PIP4P2: variants seen among roughly 807,000 people sequenced by gnomAD.
PIP4P2 encodes type 2 phosphatidylinositol 4,5-bisphosphate 4-phosphatase.
In PIP4P2, 19 loss-of-function variants were observed where a neutral mutation model predicts 33.3. The ratio of observed to expected loss-of-function variants is 0.57; its 90% CI spans 0.40 to 0.84. The LOEUF is 0.84. PIP4P2 is among the 40% of genes least tolerant of loss of function. PIP4P2 has a pLI of 0.00. For missense variants in PIP4P2, 270 were observed against 324.7 expected (o/e 0.83, Z 1.29); for synonymous variants, 110 against 111.9 (o/e 0.98, Z 0.11).
At chr8:91,022,577 A>C (rs1342731243) in intron 1 of PIP4P2, among the ~76,000 whole-genome samples, 1 of 152,154 alleles carries the variant, frequency 6.6e-6, no homozygotes, top group East Asian at 1.9e-4. Flanking sequence ...TGGTATCTCA[A>C]GAGGCTTCTG....
chr8:91,000,437 T>C (rs1465443668), intron 5 of PIP4P2, among the ~76,000 whole-genome samples: 1 of 151,632 alleles, frequency 6.6e-6, no homozygotes, highest in East Asian at 1.9e-4. Context: ...GGATGGTAGA[T>C]ACCCTGGGTT....
intron 5 of PIP4P2, among the ~76,000 whole-genome samples, chr8:91,006,830 G>A (rs750724410): frequency 3.9e-5 from 6 of 152,136 alleles, no homozygotes; most frequent in Non-Finnish European, 7.4e-5. Flanking sequence ...TTAGCCAGGC[G>A]TGGTGGCGTG....
At chr8:91,032,645 G>T (rs1812181499) in intron 1 of PIP4P2, among the ~76,000 whole-genome samples, 1 of 151,952 alleles carries the variant, frequency 6.6e-6, no homozygotes. Context: ...GTCAAGTGTG[G>T]TGGCAGGCAC....
chr8:91,018,571 C>T (rs1036959868), intron 3 of PIP4P2, 58 bp from the exon 4 acceptor site: 2 of 1,607,578 alleles, frequency 1.2e-6, no homozygotes, highest in African/African-American at 2.7e-5. Context: ...AGAGCAAAAC[C>T]TGCAACATAT....
In PIP4P2 at chr8:91,022,827, A is replaced by C. The variant is rs185912660; in HGVS notation, c.107-1423T>G. Among the ~76,000 whole-genome samples, 276 of 152,296 alleles carry C rather than the reference A, an allele frequency of 1.8e-3. 1 individual carries two copies. The highest frequency in any genetic ancestry group is 3.2e-3 in the Non-Finnish European group (219 of 68,018). ...GTGGTATTCGTTCAAATGATTCATA[A>C]GACAAATTTCTGCAGCAGCCAAGGC... is the stretch of plus-strand genomic sequence containing the variant. On this transcript the variant is annotated intron_variant, in intron 1 of 6. Coordinates refer to ENST00000285419, the MANE Select transcript of PIP4P2 (RefSeq NM_018710.3).
intron 5 of PIP4P2, among the ~76,000 whole-genome samples, chr8:91,001,770 T>A (rs1811702923): frequency 6.6e-6 from 1 of 152,104 alleles, no homozygotes; most frequent in African/African-American, 2.4e-5. Context: ...TGTTTTCTCC[T>A]ATGACTAGTA....
At chr8:91,038,092 T>C (rs988987165) in intron 1 of PIP4P2, among the ~76,000 whole-genome samples, 8 of 152,190 alleles carry the variant, frequency 5.3e-5, no homozygotes, top group Admixed American at 4.6e-4. Flanking sequence ...GAAACCAACA[T>C]GGATTGTTAC....
intron 4 of PIP4P2, among the ~76,000 whole-genome samples, chr8:91,013,546 T>C (rs1171507384): frequency 6.6e-6 from 1 of 152,156 alleles, no homozygotes; most frequent in Non-Finnish European, 1.5e-5. Context: ...GATTTTTATT[T>C]ATTTTAAAGA....
At chr8:91,012,997 T>A (rs1338278572) in intron 4 of PIP4P2, among the ~76,000 whole-genome samples, 1 of 152,198 alleles carries the variant, frequency 6.6e-6, no homozygotes, top group Non-Finnish European at 1.5e-5. Flanking sequence ...CATTCCCTTT[T>A]CTACCCTATT....
rs1586176927 is a variant in PIP4P2 at position 91,008,879 on chromosome 8, G to A, written c.487-84C>T. ...ATAAGACATTTCTTTTACTTTAAAT[G>A]TCATCAGGGATCACAACAGAAGCAA... On this transcript the variant is annotated intron_variant, in intron 4 of 6. Transcript: ENST00000285419. 6 of 1,222,038 alleles carry A rather than the reference G, an allele frequency of 4.9e-6. No individual in the cohort carries two copies. In the South Asian group the frequency reaches 8.4e-5, roughly 17 times the overall value. 75.7% of individuals were successfully genotyped at this position (1,222,038 alleles called of 1,614,324 possible).
chr8:91,011,276 G>C (rs926234634), intron 4 of PIP4P2, among the ~76,000 whole-genome samples: 1 of 151,982 alleles, frequency 6.6e-6, no homozygotes, highest in Non-Finnish European at 1.5e-5. Flanking sequence ...AGTCAATGTT[G>C]ATTAACAAAG....
rs373311274 is a variant in PIP4P2, at chr8:91,018,450, T to C, written c.426A>G (p.Ala142=). The C allele has an allele frequency of 6.3e-4, 1,014 of 1,614,020 alleles. 14 individuals carry two copies. The South Asian group carries it at 8.9e-3, about 14-fold the overall frequency. The change falls in exon 4 of 7, where the codon GCA becomes GCG. Residue 142 remains alanine, a synonymous_variant. Transcript: ENST00000285419. Reference sequence around the variant, plus strand: ...TTGTACCTTCTGGTTGGATTGGCAATGCAGGCTGAGCTGGTTGTTCTTCAG... The same window carrying C: ...TTGTACCTTCTGGTTGGATTGGCAACGCAGGCTGAGCTGGTTGTTCTTCAG... ...LISEEQPAQP[A]LPIQPEGTRV...
At chr8:91,000,544 A>G (rs1281285722) in intron 5 of PIP4P2, among the ~76,000 whole-genome samples, 2 of 151,844 alleles carry the variant, frequency 1.3e-5, no homozygotes, top group Non-Finnish European at 2.9e-5. Flanking sequence ...CCAGTTTGAC[A>G]GTTAATTTCT....
intron 1 of PIP4P2, among the ~76,000 whole-genome samples, chr8:91,029,404 T>C (rs1358738450): frequency 6.6e-6 from 1 of 152,158 alleles, no homozygotes; most frequent in African/African-American, 2.4e-5. Flanking sequence ...CCCTTTGTCA[T>C]GTGGATGTTT....
At chr8:91,007,662 G>C (rs80011244) in intron 5 of PIP4P2, among the ~76,000 whole-genome samples, 2,324 of 152,250 alleles carry the variant, frequency 0.015, 16 homozygotes, top group East Asian at 0.033. Flanking sequence ...AGTTAACACA[G>C]TAGGCCTGAG....
intron 5 of PIP4P2, among the ~76,000 whole-genome samples, chr8:90,997,846 TC>T: frequency 6.6e-6 from 1 of 152,204 alleles, no homozygotes; most frequent in East Asian, 1.9e-4. Context: ...AACATGTGAT[TC>T]CAAATAGGTT....
At chr8:91,034,480 T>G (rs535608087) in intron 1 of PIP4P2, among the ~76,000 whole-genome samples, 1 of 152,168 alleles carries the variant, frequency 6.6e-6, no homozygotes, top group East Asian at 1.9e-4. Context: ...GTGGCCTCAG[T>G]GAAGCAAATT....
chr8:90,999,059 C>T (rs1811667039), intron 5 of PIP4P2, among the ~76,000 whole-genome samples: 1 of 151,444 alleles, frequency 6.6e-6, no homozygotes, highest in Non-Finnish European at 1.5e-5. Context: ...TCTATAAGAA[C>T]TTAAACAAGA....
At chr8:91,017,856 T>C (rs7832881) in intron 4 of PIP4P2, among the ~76,000 whole-genome samples, 73,455 of 152,046 alleles carry the variant, frequency 0.48, 20,649 homozygotes, top group Non-Finnish European at 0.64. Flanking sequence ...ACAAAAACTT[T>C]TATAACTTTT....
Sources: gnomAD v4.1 joint callset for allele counts (sites outside exome capture counted in the v4.1 genomes callset) on GRCh38, gnomAD v4.1.1 for gene constraint, MANE v1.5 for transcripts, NCBI Gene and HGNC (gene_info 2026-07-23, HGNC 2026-07-21) for gene names.